The following ATP4A variants were observed in gnomAD, a reference collection of about 807,000 sequenced individuals.
ATP4A encodes potassium-transporting ATPase alpha chain 1.
Under a neutral mutation model 112.1 loss-of-function variants are expected in ATP4A, and 73 were observed. The ratio of observed to expected loss-of-function variants is 0.65; its 90% CI spans 0.54 to 0.79. The LOEUF (loss-of-function observed/expected upper bound fraction) is 0.79. Ranked by LOEUF, ATP4A falls within the 30% of genes least tolerant of loss-of-function variation. ATP4A has a pLI of 0.00. For missense variants in ATP4A, 1,081 were observed against 1,425.9 expected (o/e 0.76, Z 3.90); for synonymous variants, 588 against 588.9 (o/e 1.00, Z 0.02).
chr19:35,559,506 G>A lies in ATP4A; in HGVS notation c.1056+299C>T, dbSNP rs1308978591. Reference sequence around the variant, plus strand: ...GCACCTCCCTGGGGACTGGTCTGGAGCTGGGTGCTGACTGTGGAAGGTCTG... The same window carrying A: ...GCACCTCCCTGGGGACTGGTCTGGAACTGGGTGCTGACTGTGGAAGGTCTG... On this transcript the variant is annotated intron_variant, in intron 7 of 21. Transcript: ENST00000262623. The surrounding 1 kb of genome is among the most constrained non-coding windows in gnomAD (Gnocchi z 4.1). Among the ~76,000 whole-genome samples the A allele has an allele frequency of 6.6e-6, 1 of 152,254 alleles. No individual in the cohort carries two copies. Among genetic ancestry groups the A allele is most frequent in the Non-Finnish European group, 1.5e-5 (1 of 68,042 alleles).
Position 35,559,640 on chromosome 19 carries a change from T to C in ATP4A, c.1056+165A>G, listed in dbSNP as rs1294885410. 5.3e-5 allele frequency among the ~76,000 whole-genome samples: 8 copies of C among 152,154 alleles called. No individual in the cohort carries two copies. The highest frequency in any genetic ancestry group is 6.5e-5 in the Admixed American group (1 of 15,278). ...GCACAGGACTTGCCCCAGGGTTGCCTCGGGAAGGACTTGCTGAATGAGTGG... is the reference window on the plus strand; with the variant it reads ...GCACAGGACTTGCCCCAGGGTTGCCCCGGGAAGGACTTGCTGAATGAGTGG... On this transcript the variant is annotated intron_variant, in intron 7 of 21. Coordinates refer to ENST00000262623, the MANE Select transcript of ATP4A (RefSeq NM_000704.3). This position sits in a 1 kb window ranked among gnomAD's most constrained non-coding sequence, Gnocchi z 4.1.
Position 35,551,500 on chromosome 19 carries a change from A to G in ATP4A, c.2832T>C (p.Asp944=), listed in dbSNP as rs762946363. The G allele has an allele frequency of 3.2e-5, 52 of 1,614,040 alleles. No individual in the cohort carries two copies. The Middle Eastern group carries it at 4.9e-4, about 15-fold the overall frequency. ...GACGGCGCGTCTTGCGGATGAGGAC[A>G]TCGGCGATCTGGCACACCTCAATGC... ...FISIEVCQIA[D]VLIRKTRRLS... Residue 944 remains aspartate (D), a synonymous_variant, in exon 19 of 22, where the codon GAT becomes GAC. Transcript: ENST00000262623. The surrounding 1 kb of genome is among the most constrained non-coding windows in gnomAD (Gnocchi z 5.2).
At position 35,553,769 on chromosome 19, in the gene ATP4A, G is replaced by T; in HGVS notation, c.2542C>A (p.Arg848Ser). ...AESDIMHLRPRNPKRDRLVNE... is the reference protein window; with the variant it reads ...AESDIMHLRPSNPKRDRLVNE... ...ACCAATCTGTCACGCTTTGGGTTGC[G>T]TGGACGCAGGTGCATGATGTCACTC... The change falls in exon 17 of 22, where the codon CGC becomes AGC. Residue 848 changes from arginine to serine, a missense_variant. Around this residue, in one of 3 missense-constraint regions of ATP4A, gnomAD observed 219 missense variants for 320.9 expected, o/e 0.68. Transcript: ENST00000262623. The T allele has an allele frequency of 6.2e-7, 1 of 1,610,446 alleles. No individual in the cohort carries two copies. Among genetic ancestry groups the T allele is most frequent in the East Asian group, 2.2e-5 (1 of 44,786 alleles).
Position 35,560,456 on chromosome 19 carries a change from C to A in ATP4A, c.694G>T (p.Glu232Ter). The A allele has an allele frequency of 6.2e-7, 1 of 1,613,736 alleles. No homozygotes were observed. Among genetic ancestry groups the A allele is most frequent in the East Asian group, 2.2e-5 (1 of 44,880 alleles). The stretch of plus-strand genomic sequence containing the variant: ...GGTGAGCGGGTCTGTGGCTCAGACT[C>A]CCCTGTCAGCGAGGAGTTGTCCACC... Reference protein sequence around the residue: ...CKVDNSSLTGESEPQTRSPEC... With the variant: ...CKVDNSSLTG Residue 232 changes from glutamate (E) to a stop codon, truncating the protein, a stop_gained, in exon 6 of 22, where the codon GAG (glutamate) becomes TAG (stop). Coordinates refer to ENST00000262623, the MANE Select transcript of ATP4A (RefSeq NM_000704.3). LOFTEE classifies it high-confidence loss of function. This position sits in a 1 kb window ranked among gnomAD's most constrained non-coding sequence, Gnocchi z 5.1.
intron 12 of ATP4A, among the ~76,000 whole-genome samples, chr19:35,556,421 A>G (rs2071631892): frequency 6.6e-6 from 1 of 152,166 alleles, no homozygotes; most frequent in Admixed American, 6.5e-5. Context: ...TGTTTGGGGA[A>G]CCACTCCTCT....
rs1364193437 is a variant in ATP4A at position 35,559,501 on chromosome 19, C to A, written c.1056+304G>T. Among the ~76,000 whole-genome samples the A allele has an allele frequency of 1.3e-5, 2 of 152,238 alleles. No homozygotes were observed. The highest frequency in any genetic ancestry group is 1.3e-4 in the Admixed American group (2 of 15,286). ...TCCCCGCACCTCCCTGGGGACTGGTCTGGAGCTGGGTGCTGACTGTGGAAG... is the reference window on the plus strand; with the variant it reads ...TCCCCGCACCTCCCTGGGGACTGGTATGGAGCTGGGTGCTGACTGTGGAAG... On this transcript the variant is annotated intron_variant, in intron 7 of 21. Transcript: ENST00000262623. The surrounding 1 kb of genome is among the most constrained non-coding windows in gnomAD (Gnocchi z 4.1).
At chr19:35,552,878 G>A (rs546642072) in intron 18 of ATP4A, among the ~76,000 whole-genome samples, 159 bp downstream of exon 18, 1 of 142,806 alleles carries the variant, frequency 7.0e-6, no homozygotes, top group East Asian at 2.9e-4. Context: ...GGAGATGGTG[G>A]GAAAGGCCCT....
intron 12 of ATP4A, among the ~76,000 whole-genome samples, chr19:35,556,238 G>A (rs991449203): frequency 3.9e-5 from 6 of 152,128 alleles, no homozygotes; most frequent in African/African-American, 9.7e-5. Context: ...GGACAGGCCC[G>A]AACTGTCGGA....
At position 35,560,740 on chromosome 19, in the gene ATP4A, C is replaced by T; in HGVS notation, c.534+79G>A. On this transcript the variant is annotated intron_variant, in intron 5 of 21. Coordinates refer to ENST00000262623, the MANE Select transcript of ATP4A (RefSeq NM_000704.3). The surrounding 1 kb of genome is among the most constrained non-coding windows in gnomAD (Gnocchi z 5.1). The stretch of plus-strand genomic sequence containing the variant: ...AGAGATGGAGGCCACAGATGAGGGA[C>T]AGGGGCCTGATGGAAGGAGGCTACA... The T allele has an allele frequency of 6.3e-7, 1 of 1,585,546 alleles. No homozygotes were observed. Among genetic ancestry groups the T allele is most frequent in the Non-Finnish European group, 8.7e-7 (1 of 1,155,026 alleles).
In ATP4A at chr19:35,553,106, G is replaced by T; in HGVS notation, c.2682C>A (p.Cys894Ter). The T allele has an allele frequency of 1.2e-6, 2 of 1,611,732 alleles. No individual in the cohort carries two copies. The highest frequency in any genetic ancestry group is 1.7e-6 in the Non-Finnish European group (2 of 1,178,090). ...CCTCCCACTGCGCCCGCAGCCCCAC[G>T]CACAGCAGTGGGAACCAGCCCTCCT... ...MAQEGWFPLL[C>*]VGLRAQWEDH... Residue 894 changes from cysteine (C) to a stop codon, truncating the protein, a stop_gained, in exon 18 of 22, where the codon TGC becomes TGA. Coordinates refer to ENST00000262623, the MANE Select transcript of ATP4A (RefSeq NM_000704.3). LOFTEE classifies it high-confidence loss of function.
In ATP4A at chr19:35,559,874, C is replaced by T. The variant is rs1246582269; in HGVS notation, c.987G>A (p.Leu329=). ...TGGCCATGAAGAAGACCATGGCCCG[C>T]AGGAAGGTGTAGCCAATGCACATGG... ...IVAMCIGYTF[L]RAMVFFMAIV... is the part of the protein sequence containing the mutation. The change falls in exon 7 of 22, where the codon CTG becomes CTA. Residue 329 remains leucine, a synonymous_variant. Coordinates refer to ENST00000262623, the MANE Select transcript of ATP4A (RefSeq NM_000704.3). The surrounding 1 kb of genome is among the most constrained non-coding windows in gnomAD (Gnocchi z 4.1). 3 of 1,614,170 alleles carry T rather than the reference C, an allele frequency of 1.9e-6. No individual in the cohort carries two copies. The highest frequency in any genetic ancestry group is 2.5e-6 in the Non-Finnish European group (3 of 1,180,036).
In ATP4A at chr19:35,562,525, GC is replaced by G; in HGVS notation, c.329del (p.Gly110AlafsTer95). The G allele has an allele frequency of 6.2e-7, 1 of 1,613,896 alleles. No homozygotes were observed. Among genetic ancestry groups the G allele is most frequent in the Non-Finnish European group, 8.5e-7 (1 of 1,179,948 alleles). On this transcript the variant is annotated frameshift_variant, in exon 4 of 22. Transcript: ENST00000262623. LOFTEE classifies it high-confidence loss of function. ...CGGCAACCCACATGAGGCACTGCAGGCCCCCGGCCAGCTGCCTCGCGAACTT... is the reference window on the plus strand; with the variant it reads ...CGGCAACCCACATGAGGCACTGCAGGCCCCGGCCAGCTGCCTCGCGAACTT... ...YVKFARQLAG[G>X]LQCLMWVAAA... is the part of the protein sequence containing the mutation.
intron 12 of ATP4A, among the ~76,000 whole-genome samples, chr19:35,556,502 AG>A (rs2071632283): frequency 6.6e-6 from 1 of 152,180 alleles, no homozygotes; most frequent in Non-Finnish European, 1.5e-5. Context: ...TGGCCAATCA[AG>A]GTCTTCCATC....
chr19:35,554,263 T>C (rs759694738), intron 16 of ATP4A, among the ~76,000 whole-genome samples: 10 of 152,088 alleles, frequency 6.6e-5, no homozygotes, highest in Non-Finnish European at 1.5e-4. Context: ...GACCACAGGC[T>C]GTGGGACCTG....
In ATP4A at chr19:35,559,601, G is replaced by A. The variant is rs995823937; in HGVS notation, c.1056+204C>T. On this transcript the variant is annotated intron_variant, in intron 7 of 21. Transcript: ENST00000262623. This position sits in a 1 kb window ranked among gnomAD's most constrained non-coding sequence, Gnocchi z 4.1. ...AAGGACCCGGCCTCGTCATCTCTGC[G>A]CCCTCAATGTGTGGCACAGGACTTG... 6.6e-6 allele frequency among the ~76,000 whole-genome samples: 1 copy of A among 152,232 alleles called. No homozygotes were observed. The highest frequency in any genetic ancestry group is 6.5e-5 in the Admixed American group (1 of 15,284).
At position 35,550,209 on chromosome 19, in the gene ATP4A, T is replaced by C; in HGVS notation, c.*406A>G. On this transcript the variant is annotated 3_prime_UTR_variant, in exon 22 of 22. Transcript: ENST00000262623. The surrounding 1 kb of genome is among the most constrained non-coding windows in gnomAD (Gnocchi z 4.1). ...GGCACCAGATACAGCACAGTCAGCATGAGCTGGTTTTATTACCATCGCCCA... is the reference window on the plus strand; with the variant it reads ...GGCACCAGATACAGCACAGTCAGCACGAGCTGGTTTTATTACCATCGCCCA... The C allele has an allele frequency of 3.8e-6, 1 of 260,172 alleles. No individual in the cohort carries two copies. The highest frequency in any genetic ancestry group is 7.5e-6 in the Non-Finnish European group (1 of 133,466). The allele number at this position is 260,172 out of a possible 1,614,324, so 16.1% of individuals were successfully genotyped here.
At chr19:35,552,140 A>G (rs1230561217) in intron 18 of ATP4A, among the ~76,000 whole-genome samples, 1 of 152,054 alleles carries the variant, frequency 6.6e-6, no homozygotes, top group African/African-American at 2.4e-5. Context: ...TCCGAATCCC[A>G]GGTTCAGGAG....
chr19:35,563,586 C>T (rs926336091), intron 1 of ATP4A, 32 bp downstream of exon 1: 5 of 1,614,028 alleles, frequency 3.1e-6, no homozygotes, highest in Non-Finnish European at 4.2e-6. Context: ...CCCCTGTCCC[C>T]ACTGCACCCC....
At position 35,555,777 on chromosome 19, in the gene ATP4A, G is replaced by T. The variant is rs748068530; in HGVS notation, c.1905C>A (p.Ala635=). ...TGCCCACACTGGCTGCAATGGCCTT[G>T]GCGGTGATGGGGTGGTCACCCGTTA... The part of the protein sequence containing the change: ...IMVTGDHPIT[A]KAIAASVGII... Residue 635 remains alanine (A), a synonymous_variant, in exon 13 of 22, where the codon GCC becomes GCA. Coordinates refer to ENST00000262623, the MANE Select transcript of ATP4A (RefSeq NM_000704.3). The surrounding 1 kb of genome is among the most constrained non-coding windows in gnomAD (Gnocchi z 6.6). 4 of 1,613,684 alleles carry T rather than the reference G, an allele frequency of 2.5e-6. No individual in the cohort carries two copies. The highest frequency in any genetic ancestry group is 1.1e-5 in the South Asian group (1 of 91,078).
Sources: allele counts gnomAD v4.1 joint callset (sites outside exome capture counted in the v4.1 genomes callset), GRCh38; gene constraint gnomAD v4.1.1; regional missense constraint gnomAD v4.1.1; non-coding constraint Gnocchi (gnomAD v3.1); transcripts MANE v1.5; gene names NCBI Gene and HGNC (gene_info 2026-07-23, HGNC 2026-07-21).